COPS7B: variants seen among roughly 807,000 people sequenced by gnomAD.
COPS7B encodes the protein COP9 signalosome complex subunit 7b.
A neutral mutation model predicts 33.4 loss-of-function variants in COPS7B; 9 were observed. The observed-to-expected ratio is 0.27, with a 90% CI of 0.16 to 0.47. The LOEUF (loss-of-function observed/expected upper bound fraction) is 0.47. Among genes scored for constraint, COPS7B ranks in the 20% least tolerant of loss-of-function variants. COPS7B has a pLI of 0.99. For missense variants in COPS7B, 242 were observed against 318.2 expected (o/e 0.76, Z 1.82); for synonymous variants, 119 against 126.3 (o/e 0.94, Z 0.39).
chr2:231,798,114 C>T (rs1350521740), intron 5 of COPS7B, among the ~76,000 whole-genome samples: 3 of 151,302 alleles, frequency 2.0e-5, no homozygotes, highest in East Asian at 1.9e-4. Context: ...CTCGAATTCC[C>T]GACCTCAGGT....
At chr2:231,786,612 C>T (rs2049252136) in intron 1 of COPS7B, 74 bp downstream of exon 1, 3 of 768,490 alleles carry the variant, frequency 3.9e-6, no homozygotes, top group South Asian at 1.2e-4. Flanking sequence ...GCTTAGAGCC[C>T]GCCGCCAAGG....
At chr2:231,801,894 C>T (rs1215260327) in intron 6 of COPS7B, among the ~76,000 whole-genome samples, 1 of 152,090 alleles carries the variant, frequency 6.6e-6, no homozygotes, top group Non-Finnish European at 1.5e-5. Flanking sequence ...CATGCTTCAG[C>T]CTCCTGAGTA....
At chr2:231,801,615 G>C (rs561070217) in intron 6 of COPS7B, among the ~76,000 whole-genome samples, 133 of 148,190 alleles carry the variant, frequency 9.0e-4, no homozygotes, top group African/African-American at 3.2e-3. Context: ...ACACCTGGCT[G>C]ATTTTTTTTC....
intron 5 of COPS7B, 97 bp from the exon 6 acceptor site, chr2:231,798,762 A>T (rs2049654282): frequency 2.1e-6 from 2 of 940,462 alleles, no homozygotes; most frequent in Non-Finnish European, 3.3e-6. Flanking sequence ...AGGTCCCTGT[A>T]AGATACTGGG....
intron 6 of COPS7B, among the ~76,000 whole-genome samples, chr2:231,805,453 T>C (rs970154284): frequency 1.1e-4 from 16 of 146,628 alleles, no homozygotes; most frequent in African/African-American, 3.7e-4. Context: ...ATTTTATATA[T>C]ATATATATAT....
rs547727691 is a variant in COPS7B at position 231,809,188 on chromosome 2, C to G, written c.*1543C>G. The G allele has an allele frequency of 1.3e-5, 2 of 152,306 alleles. No individual in the cohort carries two copies. The highest frequency in any genetic ancestry group is 2.4e-5 in the African/African-American group (1 of 41,420). The allele number at this position is 152,306 out of a possible 1,614,324, so 9.4% of individuals were successfully genotyped here. On this transcript the variant is annotated 3_prime_UTR_variant, in exon 7 of 7. Coordinates refer to ENST00000350033, the MANE Select transcript of COPS7B (RefSeq NM_022730.4). ...TTTCCAAAGTATGTTTCATGCAGCC[C>G]CCTGTCAGCTGCTCTGTGGAAAAGG...
chr2:231,786,324 C>A (rs2049239204), upstream of COPS7B: 1 of 499,570 alleles, frequency 2.0e-6, no homozygotes, highest in Non-Finnish European at 2.6e-6. Context: ...ACTTCCCCAC[C>A]GGAGGTCGAA....
intron 6 of COPS7B, among the ~76,000 whole-genome samples, chr2:231,803,042 T>C (rs1247492265): frequency 6.6e-6 from 1 of 152,154 alleles, no homozygotes; most frequent in Admixed American, 6.5e-5. Flanking sequence ...TGCCTCAAAG[T>C]GGTAACGACT....
chr2:231,806,262 A>G (rs1025582247), intron 6 of COPS7B, among the ~76,000 whole-genome samples: 23 of 152,096 alleles, frequency 1.5e-4, no homozygotes, highest in Admixed American at 2.0e-4. Context: ...CACTATGTAG[A>G]AAACTGGCTG....
chr2:231,797,629 C>G (rs1174541838), intron 5 of COPS7B, among the ~76,000 whole-genome samples: 1 of 152,150 alleles, frequency 6.6e-6, no homozygotes, highest in Non-Finnish European at 1.5e-5. Context: ...AGTAGAAACT[C>G]TTACAACTCA....
upstream of COPS7B, chr2:231,781,702 A>G (rs1185423171): frequency 9.1e-6 from 7 of 765,732 alleles, no homozygotes; most frequent in Non-Finnish European, 1.5e-5. Context: ...GTTCCTCTGT[A>G]ACTTAGACTC....
At chr2:231,783,765 G>A (rs2049179133), upstream of COPS7B, among the ~76,000 whole-genome samples, 1 of 152,078 alleles carries the variant, frequency 6.6e-6, no homozygotes, top group Non-Finnish European at 1.5e-5. Flanking sequence ...CTGCTGTGTT[G>A]CCCAGGCTGG....
chr2:231,806,312 G>T lies in COPS7B; in HGVS notation c.637-1175G>T, dbSNP rs183074890. On this transcript the variant is annotated intron_variant, in intron 6 of 6. Transcript: ENST00000350033. The stretch of plus-strand genomic sequence containing the variant: ...TGCCTGTAATCCCAGCACTTTGGGA[G>T]GCCAAGGTAGGAGGGTCAGTTGACC... Among the ~76,000 whole-genome samples the T allele has an allele frequency of 2.5e-3, 375 of 152,244 alleles. 2 individuals carry two copies. The highest frequency in any genetic ancestry group is 8.3e-3 in the African/African-American group (343 of 41,544).
intron 2 of COPS7B, chr2:231,791,489 T>C (rs1471888983): frequency 9.9e-6 from 5 of 506,310 alleles, no homozygotes; most frequent in African/African-American, 9.7e-5. Flanking sequence ...AAGCAGTTCG[T>C]TGGGCATGCT....
intron 6 of COPS7B, among the ~76,000 whole-genome samples, chr2:231,805,423 A>G (rs2049862299): frequency 7.7e-6 from 1 of 129,084 alleles, no homozygotes; most frequent in Non-Finnish European, 1.6e-5. Flanking sequence ...TTATATATAT[A>G]TATATATATT....
chr2:231,783,016 T>G (rs1358697817), upstream of COPS7B, among the ~76,000 whole-genome samples: 1 of 152,222 alleles, frequency 6.6e-6, no homozygotes, highest in African/African-American at 2.4e-5. Context: ...ATAGATCAGT[T>G]TTCTCTGTTC....
At chr2:231,806,553 C>CAAA (rs199988222) in intron 6 of COPS7B, among the ~76,000 whole-genome samples, 2 of 89,738 alleles carry the variant, frequency 2.2e-5, no homozygotes, top group Non-Finnish European at 4.8e-5. Flanking sequence ...ACTCTGTCTC[C>CAAA]AAAAAAAAAA....
chr2:231,797,694 A>G (rs535473176), intron 5 of COPS7B, among the ~76,000 whole-genome samples: 4 of 152,338 alleles, frequency 2.6e-5, no homozygotes, highest in Non-Finnish European at 5.9e-5. Flanking sequence ...GGGCTACCAC[A>G]TATATGGCAA....
At chr2:231,804,899 C>G (rs1015261113) in intron 6 of COPS7B, among the ~76,000 whole-genome samples, 2 of 152,092 alleles carry the variant, frequency 1.3e-5, no homozygotes, top group African/African-American at 4.8e-5. Context: ...AAAGTCATGT[C>G]GTTACCTCTT....
Sources: gnomAD v4.1 joint callset for allele counts (sites outside exome capture counted in the v4.1 genomes callset) on GRCh38, gnomAD v4.1.1 for gene constraint, MANE v1.5 for transcripts, NCBI Gene and HGNC (gene_info 2026-07-23, HGNC 2026-07-21) for gene names.